Variants in NXPE2 observed in about 807,000 individuals in gnomAD.
NXPE2 encodes the protein NXPE family member 2.
NXPE2 carries 34 observed loss-of-function variants against 34.4 expected under a neutral mutation model. The ratio of observed to expected loss-of-function variants is 0.99; its 90% CI spans 0.75 to 1.31. The LOEUF is 1.31. Ranked by LOEUF, NXPE2 falls within the 40% of genes most tolerant of loss-of-function variation. The pLI is 0.00. For synonymous variants in NXPE2, 235 were observed against 231.3 expected, an observed-to-expected ratio of 1.02 and a Z score of -0.15; for missense variants, 649 against 672.5, an observed-to-expected ratio of 0.97 and a Z score of 0.39.
the NXPE2 span, among the ~76,000 whole-genome samples, chr11:114,727,964 A>G: frequency 0.97 from 147,522 of 152,178 alleles, 71,658 homozygotes; most frequent in Middle Eastern, 1. Context: ...TTAGTCCATA[A>G]GGATAAAGTC....
the NXPE2 span, among the ~76,000 whole-genome samples, chr11:114,635,835 A>T: frequency 1.3e-5 from 2 of 152,152 alleles, no homozygotes; most frequent in East Asian, 1.9e-4. Flanking sequence ...ATGGTGGATA[A>T]GCTTTTTGAT....
At chr11:114,481,530 G>T in the NXPE2 span, among the ~76,000 whole-genome samples, 2 of 152,024 alleles carry the variant, frequency 1.3e-5, no homozygotes, top group Non-Finnish European at 2.9e-5. Context: ...TTAAAAATAA[G>T]AAATACAAAT....
At chr11:114,559,119 T>C in the NXPE2 span, among the ~76,000 whole-genome samples, 1 of 152,154 alleles carries the variant, frequency 6.6e-6, no homozygotes, top group African/African-American at 2.4e-5. Context: ...AAAATATACA[T>C]ACAAAGCACA....
At chr11:114,743,779 T>G in the NXPE2 span, among the ~76,000 whole-genome samples, 12 of 150,624 alleles carry the variant, frequency 8.0e-5, no homozygotes, top group Non-Finnish European at 1.5e-4. Flanking sequence ...TTAGTGAGCA[T>G]ATATATATTA....
the NXPE2 span, among the ~76,000 whole-genome samples, chr11:114,482,137 A>G: frequency 6.6e-6 from 1 of 152,156 alleles, no homozygotes; most frequent in South Asian, 2.1e-4. Flanking sequence ...CCGTGTCAGT[A>G]GCTATGCAAG....
the NXPE2 span, among the ~76,000 whole-genome samples, chr11:114,727,339 C>G: frequency 6.6e-6 from 1 of 151,936 alleles, no homozygotes; most frequent in Non-Finnish European, 1.5e-5. Context: ...AAAAGCAGAA[C>G]TCTCTGGGGT....
the NXPE2 span, among the ~76,000 whole-genome samples, chr11:114,653,472 G>C: frequency 1.3e-5 from 2 of 151,194 alleles, no homozygotes; most frequent in Non-Finnish European, 2.9e-5. Context: ...TTAACCCTTG[G>C]GTGCTTGTAC....
chr11:114,723,529 A>T, the NXPE2 span, among the ~76,000 whole-genome samples: 9 of 152,336 alleles, frequency 5.9e-5, no homozygotes, highest in Admixed American at 3.3e-4. Context: ...AAGACCCTCA[A>T]GATGAGATTT....
At chr11:114,685,493 C>T (rs964103479) in intron 2 of NXPE2, among the ~76,000 whole-genome samples, 1 of 152,170 alleles carries the variant, frequency 6.6e-6, no homozygotes, top group African/African-American at 2.4e-5. Context: ...CTAGAAGTCC[C>T]ATCTCTTAAT....
the NXPE2 span, among the ~76,000 whole-genome samples, chr11:114,503,545 A>G: frequency 2.0e-5 from 3 of 151,496 alleles, no homozygotes; most frequent in African/African-American, 4.8e-5. Flanking sequence ...GTTGATGACT[A>G]AAAAAAAACC....
chr11:114,753,952 C>G, the NXPE2 span, among the ~76,000 whole-genome samples: 170 of 151,980 alleles, frequency 1.1e-3, 5 homozygotes, highest in East Asian at 0.031. Context: ...ATGCAAAGTA[C>G]TGTAGCAGTG....
chr11:114,690,955 C>G (rs905888469), intron 2 of NXPE2, among the ~76,000 whole-genome samples: 2 of 151,924 alleles, frequency 1.3e-5, no homozygotes, highest in African/African-American at 2.4e-5. Flanking sequence ...CTTAGTACAG[C>G]TATGTCATCT....
the NXPE2 span, among the ~76,000 whole-genome samples, chr11:114,490,901 G>A: frequency 2.0e-5 from 3 of 151,960 alleles, no homozygotes; most frequent in East Asian, 5.8e-4. Flanking sequence ...GGTGGCTCAC[G>A]CCTGTAATCC....
chr11:114,629,969 G>A, the NXPE2 span, among the ~76,000 whole-genome samples: 1 of 150,350 alleles, frequency 6.7e-6, no homozygotes, highest in East Asian at 1.9e-4. Flanking sequence ...TACAAGGGAC[G>A]TGAAGGAACT....
the NXPE2 span, chr11:114,530,232 G>T: frequency 1.2e-6 from 2 of 1,613,970 alleles, no homozygotes; most frequent in South Asian, 1.1e-5. Flanking sequence ...ATTCCGGGTG[G>T]TCATGTAGGT....
At chr11:114,647,438 T>C in the NXPE2 span, among the ~76,000 whole-genome samples, 3 of 152,188 alleles carry the variant, frequency 2.0e-5, 1 homozygote, top group Non-Finnish European at 4.4e-5. Flanking sequence ...TCTAAATCTA[T>C]CTAGTGCTTA....
At chr11:114,749,686 A>G in the NXPE2 span, among the ~76,000 whole-genome samples, 1 of 152,178 alleles carries the variant, frequency 6.6e-6, no homozygotes, top group Non-Finnish European at 1.5e-5. Context: ...ATCAATCCCC[A>G]GTACATGACC....
At chr11:114,603,760 G>A in the NXPE2 span, among the ~76,000 whole-genome samples, 2 of 150,706 alleles carry the variant, frequency 1.3e-5, no homozygotes, top group East Asian at 2.0e-4. Context: ...GTATTTCCTC[G>A]TCTCCTAGGT....
chr11:114,482,834 G>T, the NXPE2 span, among the ~76,000 whole-genome samples: 1 of 152,220 alleles, frequency 6.6e-6, no homozygotes, highest in Non-Finnish European at 1.5e-5. Context: ...CATAGGAGGT[G>T]TGGTTGCCTT....
Sources: gnomAD v4.1 joint callset for allele counts (sites outside exome capture counted in the v4.1 genomes callset) on GRCh38, gnomAD v4.1.1 for gene constraint, MANE v1.5 for transcripts, NCBI Gene and HGNC (gene_info 2026-07-23, HGNC 2026-07-21) for gene names.